Variants in FNDC1 observed in about 807,000 individuals in gnomAD.
FNDC1 encodes the protein fibronectin type III domain-containing protein 1.
Under a neutral mutation model 168.0 loss-of-function variants are expected in FNDC1, and 96 were observed. The ratio of observed to expected loss-of-function variants is 0.57; its 90% CI spans 0.48 to 0.68. FNDC1 has a LOEUF of 0.68. Ranked by LOEUF, FNDC1 falls within the 30% of genes least tolerant of loss-of-function variation. The pLI is 0.00. For missense variants in FNDC1, 2,587 were observed against 2,482.1 expected, an observed-to-expected ratio of 1.04 and a Z score of -0.90; for synonymous variants, 1,099 against 1,025.9, an observed-to-expected ratio of 1.07 and a Z score of -1.36.
chr6:159,224,855 C>T (rs1782918627), intron 7 of FNDC1, among the ~76,000 whole-genome samples: 1 of 152,168 alleles, frequency 6.6e-6, no homozygotes, highest in South Asian at 2.1e-4. Context: ...TAATAAATGG[C>T]ATTTGCAGCT....
Position 159,249,189 on chromosome 6 carries a change from A to G in FNDC1, c.4834+7A>G. The G allele has an allele frequency of 6.2e-7, 1 of 1,607,018 alleles. No homozygotes were observed. Among genetic ancestry groups the G allele is most frequent in the Non-Finnish European group, 8.5e-7 (1 of 1,177,300 alleles). ...GGAAGGAAACGATTTGTTGGTAAAT[A>G]TAATGTCCTTAATCAGAGAAACATG... On this transcript the variant is annotated splice_region_variant and intron_variant, in intron 16 of 22. Transcript: ENST00000297267.
At chr6:159,262,763 C>T (rs747346820) in intron 19 of FNDC1, among the ~76,000 whole-genome samples, 23 of 152,182 alleles carry the variant, frequency 1.5e-4, no homozygotes, top group Non-Finnish European at 3.1e-4. Context: ...TTCTTTATGG[C>T]CTCCAAGGGA....
At chr6:159,192,267 G>T (rs559515569) in intron 1 of FNDC1, among the ~76,000 whole-genome samples, 115 of 152,172 alleles carry the variant, frequency 7.6e-4, no homozygotes, top group African/African-American at 2.7e-3. Flanking sequence ...AGAACTTAAT[G>T]AAGTAACTAT....
intron 13 of FNDC1, among the ~76,000 whole-genome samples, chr6:159,239,249 CAGA>C (rs1244121124): frequency 1.3e-5 from 2 of 152,168 alleles, no homozygotes; most frequent in African/African-American, 2.4e-5. Flanking sequence ...TGGCCCTTTA[CAGA>C]AGAAGTTTTC....
chr6:159,220,781 C>A (rs1037673421), intron 5 of FNDC1, among the ~76,000 whole-genome samples: 4 of 152,198 alleles, frequency 2.6e-5, no homozygotes, highest in Non-Finnish European at 4.4e-5. Flanking sequence ...AGACTCAAGA[C>A]CCTGCAGAAT....
intron 5 of FNDC1, among the ~76,000 whole-genome samples, chr6:159,220,829 T>C (rs437469): frequency 0.46 from 69,397 of 151,618 alleles, 17,267 homozygotes; most frequent in East Asian, 0.66. Context: ...TGTGCACGGG[T>C]TTGGCACCTC....
At chr6:159,226,880 A>G (rs1368541534) in intron 9 of FNDC1, among the ~76,000 whole-genome samples, 1 of 152,220 alleles carries the variant, frequency 6.6e-6, no homozygotes, top group East Asian at 1.9e-4. Context: ...CCTGGCTTCC[A>G]TGCTATGGGT....
intron 6 of FNDC1, among the ~76,000 whole-genome samples, chr6:159,222,984 A>ATTTT (rs201310702): frequency 1.7e-5 from 2 of 116,774 alleles, no homozygotes. Context: ...TGAAATACTC[A>ATTTT]TTTTTTTTTT....
chr6:159,169,833 G>T lies in FNDC1; in HGVS notation c.109+128G>T, dbSNP rs778293692. 7.1e-6 allele frequency: 2 copies of T among 281,850 alleles called. No individual in the cohort carries two copies. Among genetic ancestry groups the T allele is most frequent in the Non-Finnish European group, 1.2e-5 (2 of 167,114 alleles). 17.5% of individuals were successfully genotyped at this position (281,850 alleles called of 1,614,324 possible). On this transcript the variant is annotated intron_variant, in intron 1 of 22. Transcript: ENST00000297267. This position sits in a 1 kb window ranked among gnomAD's most constrained non-coding sequence, Gnocchi z 6.8. ...TAGCCTGTGCGTCCTCGTCACTCGCGGGTCGGGGCACTTGGCGCCCTGTGT... is the reference window on the plus strand; with the variant it reads ...TAGCCTGTGCGTCCTCGTCACTCGCTGGTCGGGGCACTTGGCGCCCTGTGT...
At chr6:159,212,713 G>T (rs1446892750) in intron 4 of FNDC1, among the ~76,000 whole-genome samples, 1 of 152,148 alleles carries the variant, frequency 6.6e-6, no homozygotes, top group East Asian at 1.9e-4. Flanking sequence ...TTTGCTACCT[G>T]CTGAGAATAC....
Position 159,233,612 on chromosome 6 carries a change from T to C in FNDC1, c.3100T>C (p.Ser1034Pro), listed in dbSNP as rs1262293680. 7 of 1,574,496 alleles carry C rather than the reference T, an allele frequency of 4.4e-6. No homozygotes were observed. The highest frequency in any genetic ancestry group is 3.3e-4 in the Middle Eastern group (2 of 6,044). Residue 1034 changes from serine to proline, a missense_variant, in exon 11 of 23, where the codon TCA (serine) becomes CCA (proline). Physicochemically the swap from Ser to Pro is moderately conservative, Grantham distance 74 (BLOSUM62 -1). Transcript: ENST00000297267. This position sits in a 1 kb window ranked among gnomAD's most constrained non-coding sequence, Gnocchi z 4.6. ...TCGGTCACCTTCCCAGCCCAGGCTC[T>C]CACTGACCCAGGCCGGGCGGCCCCG... ...AGRSPSQPRL[S>P]LTQAGRPRPT...
At chr6:159,256,388 G>A (rs147888180) in intron 17 of FNDC1, 135 bp from the exon 18 acceptor site, 13,104 of 675,676 alleles carry the variant, frequency 0.019, 179 homozygotes, top group Non-Finnish European at 0.027. Context: ...CCACAGTGCC[G>A]CGTGCCCTCC....
intron 17 of FNDC1, among the ~76,000 whole-genome samples, chr6:159,254,357 C>G (rs921801071): frequency 1.3e-5 from 2 of 152,082 alleles, no homozygotes; most frequent in Non-Finnish European, 2.9e-5. Context: ...TAATTCATCT[C>G]AGAAATGAGT....
intron 11 of FNDC1, among the ~76,000 whole-genome samples, chr6:159,234,900 T>C (rs1056912075): frequency 6.6e-6 from 1 of 152,258 alleles, no homozygotes; most frequent in Non-Finnish European, 1.5e-5. Flanking sequence ...TTCTTAGTTG[T>C]TCAAGTGCCG....
At chr6:159,249,211 C>G (rs2115012892) in intron 16 of FNDC1, 29 bp downstream of exon 16, 1 of 1,584,770 alleles carries the variant, frequency 6.3e-7, no homozygotes, top group East Asian at 2.2e-5. Context: ...ATCAGAGAAA[C>G]ATGGGTTTTT....
intron 21 of FNDC1, among the ~76,000 whole-genome samples, chr6:159,267,584 G>A (rs573760595): frequency 6.6e-6 from 1 of 152,072 alleles, no homozygotes; most frequent in Non-Finnish European, 1.5e-5. Flanking sequence ...CAACTTACTG[G>A]ACATTCATTA....
chr6:159,255,428 TA>T (rs1318613952), intron 17 of FNDC1, among the ~76,000 whole-genome samples: 4 of 152,192 alleles, frequency 2.6e-5, no homozygotes, highest in Non-Finnish European at 5.9e-5. Flanking sequence ...CAGCTCCCGC[TA>T]CACACCCTCT....
intron 20 of FNDC1, among the ~76,000 whole-genome samples, chr6:159,265,488 C>T (rs941584439): frequency 6.6e-6 from 1 of 152,144 alleles, no homozygotes; most frequent in Non-Finnish European, 1.5e-5. Context: ...GCTTATTTTC[C>T]TTGCCGTTTA....
rs531647005 is a variant in FNDC1, at chr6:159,170,016, A to C, written c.109+311A>C. 2.2e-4 allele frequency: 37 copies of C among 165,480 alleles called. No homozygotes were observed. The East Asian group carries it at 6.0e-3, about 27-fold the overall frequency. The allele number at this position is 165,480 out of a possible 1,614,324, so 10.3% of individuals were successfully genotyped here. A position where few individuals can be genotyped will look rare whatever the true frequency, so the allele number is the denominator to read the frequency against. Reference sequence around the variant, plus strand: ...AAAAAGGAAAAGAAAGGCGACTTTCAGCGTGCGGACTGGGGTAATGCCTTT... The same window carrying C: ...AAAAAGGAAAAGAAAGGCGACTTTCCGCGTGCGGACTGGGGTAATGCCTTT... On this transcript the variant is annotated intron_variant, in intron 1 of 22. Coordinates refer to ENST00000297267, the MANE Select transcript of FNDC1 (RefSeq NM_032532.3).
Sources: gnomAD v4.1 joint callset for allele counts (sites outside exome capture counted in the v4.1 genomes callset) on GRCh38, gnomAD v4.1.1 for gene constraint, Gnocchi (gnomAD v3.1) non-coding constraint, MANE v1.5 for transcripts, NCBI Gene and HGNC (gene_info 2026-07-23, HGNC 2026-07-21) for gene names.